NCALD: variants seen among roughly 807,000 people sequenced by gnomAD.
The protein encoded by NCALD is neurocalcin delta.
In NCALD, 10 loss-of-function variants were observed where a neutral mutation model predicts 18.6. That is an observed-to-expected ratio of 0.54 (90% CI 0.33 to 0.91). The LOEUF is 0.91. Ranked by LOEUF, NCALD falls within the 40% of genes least tolerant of loss-of-function variation. The pLI, the probability that NCALD is intolerant of heterozygous loss-of-function variation, is 0.03. For synonymous variants in NCALD, 88 were observed against 87.4 expected (o/e 1.01, Z -0.04); for missense variants, 184 against 247.6 (o/e 0.74, Z 1.72).
chr8:101,789,513 A>C (rs1762489252), intron 1 of NCALD, among the ~76,000 whole-genome samples: 1 of 152,214 alleles, frequency 6.6e-6, no homozygotes, highest in South Asian at 2.1e-4. Context: ...AATACTGTTC[A>C]AAATTTTTCA....
intron 4 of NCALD, among the ~76,000 whole-genome samples, chr8:101,864,671 T>G (rs568527110): frequency 4.4e-4 from 66 of 151,096 alleles, no homozygotes; most frequent in African/African-American, 1.5e-3. Flanking sequence ...CTTGACTCAC[T>G]GCAACCTCCG....
chr8:102,043,083 G>T (rs546044878), intron 1 of NCALD, among the ~76,000 whole-genome samples: 1 of 151,846 alleles, frequency 6.6e-6, no homozygotes, highest in Non-Finnish European at 1.5e-5. Flanking sequence ...CTGCTCTGTC[G>T]ATGCATTAAG....
intron 1 of NCALD, among the ~76,000 whole-genome samples, chr8:102,090,251 G>T (rs371673998): frequency 6.6e-6 from 1 of 152,160 alleles, no homozygotes; most frequent in Admixed American, 6.5e-5. Flanking sequence ...AGTTATAATT[G>T]TTATGTGAAA....
intron 1 of NCALD, among the ~76,000 whole-genome samples, chr8:101,789,417 C>T (rs998894749): frequency 1.3e-5 from 2 of 151,978 alleles, no homozygotes; most frequent in African/African-American, 2.4e-5. Context: ...ATGTCAAATG[C>T]CAGCAAGTTA....
chr8:101,861,800 G>A (rs1319366819), intron 4 of NCALD, among the ~76,000 whole-genome samples: 2 of 151,956 alleles, frequency 1.3e-5, no homozygotes. Flanking sequence ...GAAGGCAGAT[G>A]AGAAAATTAA....
intron 2 of NCALD, among the ~76,000 whole-genome samples, chr8:101,970,058 A>G (rs1820181703): frequency 6.6e-6 from 1 of 152,210 alleles, no homozygotes; most frequent in South Asian, 2.1e-4. Flanking sequence ...AGGAGAAGAA[A>G]GATGAGGAAA....
At chr8:101,697,627 A>G (rs1586229892) in intron 2 of NCALD, among the ~76,000 whole-genome samples, 1 of 152,190 alleles carries the variant, frequency 6.6e-6, no homozygotes, top group Admixed American at 6.5e-5. Flanking sequence ...CCTGGGATGA[A>G]GGCTAGTTCA....
rs569525688 is a variant in NCALD, at chr8:101,731,198, T to A, written c.-19-11550A>T. Among the ~76,000 whole-genome samples, 4 of 150,940 alleles carry A rather than the reference T, an allele frequency of 2.7e-5. No individual in the cohort carries two copies. The East Asian group carries it at 7.8e-4, about 29-fold the overall frequency. On this transcript the variant is annotated intron_variant, in intron 1 of 3. Coordinates refer to ENST00000220931, the MANE Select transcript of NCALD (RefSeq NM_032041.3). The stretch of plus-strand genomic sequence containing the variant: ...AGCGTGATCCAGGATGTGGCTAGAG[T>A]GGAGGGTATGAGGGTATGAAGGAGA...
Position 101,802,303 on chromosome 8 carries a change from C to T in NCALD, c.-19-82655G>A, listed in dbSNP as rs182078956. Among the ~76,000 whole-genome samples, 319 of 152,222 alleles carry T rather than the reference C, an allele frequency of 2.1e-3. 1 individual carries two copies. Among genetic ancestry groups the T allele is most frequent in the Non-Finnish European group, 3.2e-3 (215 of 68,010 alleles). On this transcript the variant is annotated intron_variant, in intron 4 of 6. Transcript: ENST00000311028. The stretch of plus-strand genomic sequence containing the variant: ...ACTGCTCCATTGATTGGCCTTCCCT[C>T]ATCTCTCGCCCTCCCCTGGAGCTTC...
chr8:101,910,451 A>G (rs73282613), intron 3 of NCALD, among the ~76,000 whole-genome samples: 6,933 of 152,070 alleles, frequency 0.046, 252 homozygotes, highest in African/African-American at 0.1. Context: ...CCAAATAAAG[A>G]GAAATAACAA....
chr8:102,089,207 A>T (rs947320381), intron 1 of NCALD, among the ~76,000 whole-genome samples: 3 of 152,176 alleles, frequency 2.0e-5, no homozygotes, highest in African/African-American at 7.2e-5. Flanking sequence ...ATCCTGGTTA[A>T]CATGGTGAAA....
chr8:101,787,643 A>G (rs957258350), intron 1 of NCALD, among the ~76,000 whole-genome samples: 1 of 152,206 alleles, frequency 6.6e-6, no homozygotes, highest in African/African-American at 2.4e-5. Context: ...GTCACACTAA[A>G]CAATACTATT....
At chr8:101,829,905 T>C (rs1814097705) in intron 4 of NCALD, among the ~76,000 whole-genome samples, 2 of 152,006 alleles carry the variant, frequency 1.3e-5, no homozygotes, top group African/African-American at 4.8e-5. Flanking sequence ...TTTGTTATTA[T>C]ATCTATCTTT....
chr8:101,860,381 T>C (rs1815490284), intron 4 of NCALD, among the ~76,000 whole-genome samples: 1 of 152,000 alleles, frequency 6.6e-6, no homozygotes, highest in African/African-American at 2.4e-5. Flanking sequence ...AGAACAAAAG[T>C]ATGTAGTAGG....
At chr8:101,693,318 G>GC in intron 2 of NCALD, 1 of 60,000 alleles carries the variant, frequency 1.7e-5, no homozygotes, top group Non-Finnish European at 3.2e-5. Flanking sequence ...CACACAGGGC[G>GC]TTTTTTTTTT....
intron 4 of NCALD, among the ~76,000 whole-genome samples, chr8:101,849,965 C>T (rs987566047): frequency 6.6e-6 from 1 of 152,160 alleles, no homozygotes; most frequent in South Asian, 2.1e-4. Flanking sequence ...AAGAGGTGTT[C>T]CCCCACTCCC....
intron 1 of NCALD, 52 bp from the exon 2 acceptor site, chr8:101,719,700 T>A (rs1816262077): frequency 1.4e-5 from 20 of 1,449,988 alleles, no homozygotes; most frequent in South Asian, 1.4e-5. Context: ...TCTTTAGGGC[T>A]GCATTTTATA....
chr8:101,976,489 C>A (rs1866692), intron 2 of NCALD, among the ~76,000 whole-genome samples: 60,368 of 152,032 alleles, frequency 0.4, 12,168 homozygotes, highest in South Asian at 0.45. Context: ...TCAATTTACA[C>A]TTTTGGAAAC....
chr8:101,968,057 C>A (rs535065326), intron 2 of NCALD, among the ~76,000 whole-genome samples: 24 of 152,276 alleles, frequency 1.6e-4, no homozygotes, highest in African/African-American at 5.8e-4. Flanking sequence ...AGGTGTTAAG[C>A]AAATCTGCCC....
Sources: allele counts gnomAD v4.1 joint callset (sites outside exome capture counted in the v4.1 genomes callset), GRCh38; gene constraint gnomAD v4.1.1; transcripts MANE v1.5; gene names NCBI Gene and HGNC (gene_info 2026-07-23, HGNC 2026-07-21).